SYN2: variants seen among roughly 807,000 people sequenced by gnomAD.
SYN2 encodes synapsin II, also known as synapsin-2.
SYN2 carries 19 observed loss-of-function variants against 50.9 expected under a neutral mutation model. That is an observed-to-expected ratio of 0.37 (90% CI 0.26 to 0.55). The LOEUF (loss-of-function observed/expected upper bound fraction) is 0.55, where lower values mean the gene tolerates loss of function less well. Among genes scored for constraint, SYN2 ranks in the 20% least tolerant of loss-of-function variants. The pLI, the probability that SYN2 is intolerant of heterozygous loss-of-function variation, is 0.81. For synonymous variants in SYN2, 255 were observed against 224.9 expected (o/e 1.13, Z -1.20); for missense variants, 587 against 576.4 (o/e 1.02, Z -0.19).
At chr3:12,043,352 A>G (rs1024826646) in intron 1 of SYN2, among the ~76,000 whole-genome samples, 1 of 151,754 alleles carries the variant, frequency 6.6e-6, no homozygotes, top group African/African-American at 2.4e-5. Flanking sequence ...TCCTAATTTC[A>G]CTTTTTTAAA....
At chr3:12,087,983 G>A (rs1438712300) in intron 1 of SYN2, among the ~76,000 whole-genome samples, 1 of 151,466 alleles carries the variant, frequency 6.6e-6, no homozygotes, top group South Asian at 2.1e-4. Flanking sequence ...CTAAAAGAAA[G>A]CATAAGAGAA....
intron 5 of SYN2, among the ~76,000 whole-genome samples, chr3:12,157,713 T>TTC (rs1402331636): frequency 2.0e-5 from 3 of 152,188 alleles, no homozygotes; most frequent in African/African-American, 7.2e-5. Flanking sequence ...GCTAAGCTGT[T>TTC]TCTGCCTTTT....
intron 3 of SYN2, among the ~76,000 whole-genome samples, chr3:12,142,825 A>G (rs1348179640): frequency 6.6e-6 from 1 of 152,134 alleles, no homozygotes; most frequent in Non-Finnish European, 1.5e-5. Context: ...ACCTCAATCT[A>G]CAGTAACCTG....
intron 1 of SYN2, among the ~76,000 whole-genome samples, chr3:12,055,485 T>C (rs548704407): frequency 6.6e-6 from 1 of 152,228 alleles, no homozygotes; most frequent in African/African-American, 2.4e-5. Flanking sequence ...ATATGAAAAA[T>C]AATGGATTTC....
chr3:12,112,983 A>G (rs1185152937), intron 1 of SYN2, among the ~76,000 whole-genome samples: 3 of 152,162 alleles, frequency 2.0e-5, no homozygotes, highest in Non-Finnish European at 4.4e-5. Context: ...TGAACCTTAC[A>G]TGAATGAAGG....
chr3:12,154,129 C>T (rs181921331), intron 5 of SYN2, among the ~76,000 whole-genome samples: 1 of 152,278 alleles, frequency 6.6e-6, no homozygotes, highest in Non-Finnish European at 1.5e-5. Flanking sequence ...CTCAGTCTGC[C>T]TCCTGTGATG....
chr3:12,096,451 T>C (rs1428981049), intron 1 of SYN2, among the ~76,000 whole-genome samples: 3 of 152,078 alleles, frequency 2.0e-5, no homozygotes, highest in Non-Finnish European at 2.9e-5. Context: ...TCCTCACTAA[T>C]AGGATTCCAA....
chr3:12,135,030 A>G (rs911912339), intron 1 of SYN2, among the ~76,000 whole-genome samples: 11 of 152,234 alleles, frequency 7.2e-5, no homozygotes, highest in African/African-American at 2.4e-4. Flanking sequence ...AAAGCCAGCT[A>G]TCCAGCTTCT....
intron 10 of SYN2, among the ~76,000 whole-genome samples, chr3:12,179,615 C>A (rs934087472): frequency 6.6e-6 from 1 of 152,150 alleles, no homozygotes; most frequent in African/African-American, 2.4e-5. Context: ...TCCATGGTTA[C>A]CTCATTTATA....
intron 1 of SYN2, among the ~76,000 whole-genome samples, chr3:12,124,496 G>A (rs1044607600): frequency 2.2e-4 from 33 of 152,120 alleles, no homozygotes; most frequent in South Asian, 1.0e-3. Flanking sequence ...TTGTGCAAGG[G>A]ACCCCTGTAC....
At chr3:12,160,926 A>C (rs950944728) in intron 5 of SYN2, among the ~76,000 whole-genome samples, 2 of 152,220 alleles carry the variant, frequency 1.3e-5, no homozygotes, top group South Asian at 2.1e-4. Context: ...CTGCATTTAT[A>C]AACATACTGA....
chr3:12,164,984 CTT>C lies in SYN2; in HGVS notation c.981-2230_981-2229del, dbSNP rs68043865. ...TTCAGTTTCTTCCTTTTTTTCTTTT[CTT>C]TTTTTTTTTTTTTTTTTTTGAGACA... On this transcript the variant is annotated intron_variant, in intron 7 of 12. Transcript: ENST00000621198. Among the ~76,000 whole-genome samples the C allele has an allele frequency of 8.8e-3, 812 of 92,266 alleles. 3 individuals carry two copies. Among genetic ancestry groups the C allele is most frequent in the African/African-American group, 0.026 (681 of 26,412 alleles). 60.5% of individuals were successfully genotyped at this position (92,266 alleles called of 152,430 possible). A position where few individuals can be genotyped will look rare whatever the true frequency, so the allele number is the denominator to read the frequency against.
intron 1 of SYN2, among the ~76,000 whole-genome samples, chr3:12,099,975 G>GAAAAAAAAAAAAAAA (rs376887129): frequency 2.5e-5 from 3 of 120,184 alleles, no homozygotes; most frequent in African/African-American, 6.4e-5. Flanking sequence ...AAAAAAAAAA[G>GAAAAAAAAAAAAAAA]AAAAAAAAAA....
intron 1 of SYN2, among the ~76,000 whole-genome samples, chr3:12,073,576 A>C (rs1695408622): frequency 6.6e-6 from 1 of 152,202 alleles, no homozygotes; most frequent in African/African-American, 2.4e-5. Flanking sequence ...ACCAAAAATA[A>C]AGCAACCCTT....
intron 1 of SYN2, among the ~76,000 whole-genome samples, chr3:12,087,061 T>G (rs932217703): frequency 6.6e-5 from 10 of 152,106 alleles, no homozygotes; most frequent in South Asian, 4.1e-4. Context: ...TTCCATATAC[T>G]AACAATGAAC....
chr3:12,177,199 G>C (rs1285170794), intron 10 of SYN2, among the ~76,000 whole-genome samples: 1 of 152,140 alleles, frequency 6.6e-6, no homozygotes, highest in East Asian at 1.9e-4. Flanking sequence ...CACATTTCCA[G>C]CTAGGTTTTT....
chr3:12,022,985 A>G (rs1034230748), intron 1 of SYN2, among the ~76,000 whole-genome samples: 1 of 152,182 alleles, frequency 6.6e-6, no homozygotes, highest in Middle Eastern at 3.2e-3. Flanking sequence ...GGAGTAGAGA[A>G]ATGCTTACAA....
At chr3:12,168,552 A>G in intron 9 of SYN2, 74 bp downstream of exon 9, 1 of 1,234,034 alleles carries the variant, frequency 8.1e-7, no homozygotes, top group Non-Finnish European at 1.2e-6. Context: ...ACTGCCTTTA[A>G]TTTGGAGTCT....
At chr3:12,169,327 CAGAG>C (rs1284770383) in intron 9 of SYN2, among the ~76,000 whole-genome samples, 1 of 152,166 alleles carries the variant, frequency 6.6e-6, no homozygotes. Flanking sequence ...ATTTAGTGAG[CAGAG>C]AGTGCTTGGA....
Sources: allele counts gnomAD v4.1 joint callset (sites outside exome capture counted in the v4.1 genomes callset), GRCh38; gene constraint gnomAD v4.1.1; transcripts MANE v1.5; gene names NCBI Gene and HGNC (gene_info 2026-07-23, HGNC 2026-07-21).